CLUAP1: variants seen among roughly 807,000 people sequenced by gnomAD.
CLUAP1 encodes the protein intraflagellar transport 38, also known as clusterin-associated protein 1.
A neutral mutation model predicts 55.0 loss-of-function variants in CLUAP1; 50 were observed. The observed-to-expected ratio is 0.91, with a 90% CI of 0.72 to 1.15. CLUAP1 has a LOEUF of 1.15. Among genes scored for constraint, CLUAP1 ranks in the 50% most tolerant of loss-of-function variants. The pLI is 0.00. For missense variants in CLUAP1, 530 were observed against 507.6 expected, an observed-to-expected ratio of 1.04 and a Z score of -0.42; for synonymous variants, 195 against 175.4, an observed-to-expected ratio of 1.11 and a Z score of -0.88.
intron 3 of CLUAP1, among the ~76,000 whole-genome samples, chr16:3,507,192 T>A (rs1444806053): frequency 6.8e-6 from 1 of 148,128 alleles, no homozygotes; most frequent in African/African-American, 2.5e-5. Flanking sequence ...CAAGACTCTG[T>A]CTTAAAAAAA....
At chr16:3,517,712 T>C (rs1203927745) in intron 6 of CLUAP1, among the ~76,000 whole-genome samples, 1 of 152,182 alleles carries the variant, frequency 6.6e-6, no homozygotes, top group Non-Finnish European at 1.5e-5. Flanking sequence ...ACATCATCGT[T>C]ACAGAACAAA....
At chr16:3,526,284 C>A in intron 8 of CLUAP1, 128 bp from the exon 9 acceptor site, 1 of 435,418 alleles carries the variant, frequency 2.3e-6, no homozygotes, top group Admixed American at 4.6e-5. Context: ...ATTCTCTTCC[C>A]CTTCCTTGAG....
At position 3,526,446 on chromosome 16, in the gene CLUAP1, A is replaced by AGTT; in HGVS notation, c.891_892insTTG (p.Leu298dup). On this transcript the variant is annotated inframe_insertion, in exon 9 of 12. Coordinates refer to ENST00000576634, the MANE Select transcript of CLUAP1 (RefSeq NM_015041.3). ...AACACTCTCTGCCTGATACAGAACA[A>AGTT]GCTCAAGGAGGAAGAGAAGCGCCTG... 7.5e-6 allele frequency: 12 copies of AGTT among 1,609,094 alleles called. No individual in the cohort carries two copies. Among genetic ancestry groups the AGTT allele is most frequent in the Non-Finnish European group, 1.0e-5 (12 of 1,178,766 alleles).
At chr16:3,496,877 T>TC (rs201831095), upstream of CLUAP1, 416 of 294,330 alleles carry the variant, frequency 1.4e-3, 2 homozygotes, top group East Asian at 0.02. Context: ...TCTTTTCTTT[T>TC]TTTTTTTTTT....
At position 3,536,627 on chromosome 16, in the gene CLUAP1, C is replaced by T. The variant is rs1322411565; in HGVS notation, c.*356C>T. On this transcript the variant is annotated 3_prime_UTR_variant, in exon 12 of 12. Transcript: ENST00000576634. The stretch of plus-strand genomic sequence containing the variant: ...TTACTATACATTTTCTCTGAGACTC[C>T]AGCAGAGTTGGGGCTGGAACTTGGC... 5.6e-6 allele frequency: 1 copy of T among 179,546 alleles called. No individual in the cohort carries two copies. Among genetic ancestry groups the T allele is most frequent in the Non-Finnish European group, 1.2e-5 (1 of 84,522 alleles). 11.1% of individuals were successfully genotyped at this position (179,546 alleles called of 1,614,324 possible). A position where few individuals can be genotyped will look rare whatever the true frequency, so the allele number is the denominator to read the frequency against.
intron 7 of CLUAP1, among the ~76,000 whole-genome samples, chr16:3,521,441 T>C (rs928192489): frequency 2.0e-5 from 3 of 149,628 alleles, no homozygotes; most frequent in Non-Finnish European, 4.5e-5. Context: ...TTGTTTTTGT[T>C]TTTTTTTTTT....
intron 8 of CLUAP1, among the ~76,000 whole-genome samples, chr16:3,526,159 G>T (rs1314762808): frequency 2.0e-5 from 3 of 152,212 alleles, no homozygotes; most frequent in Non-Finnish European, 4.4e-5. Context: ...AATCGGAGAA[G>T]CATGGGGTGG....
chr16:3,502,772 T>TG (rs1216917848), intron 1 of CLUAP1, among the ~76,000 whole-genome samples: 1 of 152,144 alleles, frequency 6.6e-6, no homozygotes, highest in Non-Finnish European at 1.5e-5. Flanking sequence ...GGACGTAGAA[T>TG]GGGGTTTTGT....
At chr16:3,531,776 C>G (rs1184117049) in intron 10 of CLUAP1, among the ~76,000 whole-genome samples, 1 of 151,932 alleles carries the variant, frequency 6.6e-6, no homozygotes, top group Non-Finnish European at 1.5e-5. Context: ...CTGCAACTTG[C>G]TTTTGTTTTT....
intron 8 of CLUAP1, among the ~76,000 whole-genome samples, chr16:3,523,740 G>A (rs529089802): frequency 1.8e-4 from 27 of 152,314 alleles, no homozygotes; most frequent in African/African-American, 5.1e-4. Flanking sequence ...CAAGACGAGC[G>A]GATCACTTGA....
chr16:3,500,257 C>G (rs2037361744), upstream of CLUAP1, among the ~76,000 whole-genome samples: 1 of 152,214 alleles, frequency 6.6e-6, no homozygotes, highest in Non-Finnish European at 1.5e-5. Flanking sequence ...CGAGGCCTGG[C>G]CTGCCTCTGG....
chr16:3,507,485 G>T (rs569018084), intron 3 of CLUAP1, among the ~76,000 whole-genome samples: 1 of 151,412 alleles, frequency 6.6e-6, no homozygotes, highest in African/African-American at 2.4e-5. Context: ...GCTTGAGCCC[G>T]GGAGGTTGAG....
intron 4 of CLUAP1, among the ~76,000 whole-genome samples, chr16:3,508,995 T>C (rs1372207637): frequency 6.6e-6 from 1 of 151,824 alleles, no homozygotes; most frequent in South Asian, 2.1e-4. Flanking sequence ...AGTGACTCAC[T>C]CCTGTAAGCC....
chr16:3,497,525 G>T (rs1324531971), upstream of CLUAP1, among the ~76,000 whole-genome samples: 1 of 152,130 alleles, frequency 6.6e-6, no homozygotes, highest in Non-Finnish European at 1.5e-5. Flanking sequence ...AATCAAAATG[G>T]CCTTCATGTA....
intron 9 of CLUAP1, among the ~76,000 whole-genome samples, chr16:3,528,388 C>T (rs2037989819): frequency 6.6e-6 from 1 of 151,932 alleles, no homozygotes; most frequent in African/African-American, 2.4e-5. Flanking sequence ...TTCTGTGACT[C>T]TCTCGTCTGA....
intron 8 of CLUAP1, among the ~76,000 whole-genome samples, chr16:3,525,751 G>A (rs1392344706): frequency 2.6e-5 from 4 of 152,138 alleles, no homozygotes; most frequent in Non-Finnish European, 5.9e-5. Flanking sequence ...ATTTGTTGTA[G>A]AGATGAGGTT....
Position 3,515,054 on chromosome 16 carries a change from T to C in CLUAP1, c.496-454T>C, listed in dbSNP as rs184504944. ...AAAGATGCTTAGTTTGGGAGTCACCTGGACAGAATGCAGGTAAAGAAGCAA... is the reference window on the plus strand; with the variant it reads ...AAAGATGCTTAGTTTGGGAGTCACCCGGACAGAATGCAGGTAAAGAAGCAA... On this transcript the variant is annotated intron_variant, in intron 5 of 11. Coordinates refer to ENST00000576634, the MANE Select transcript of CLUAP1 (RefSeq NM_015041.3). 2.6e-5 allele frequency among the ~76,000 whole-genome samples: 4 copies of C among 152,248 alleles called. No individual in the cohort carries two copies. The East Asian group carries it at 7.7e-4, about 29-fold the overall frequency.
intron 10 of CLUAP1, among the ~76,000 whole-genome samples, chr16:3,531,390 C>T (rs989897682): frequency 4.6e-5 from 7 of 152,126 alleles, no homozygotes; most frequent in South Asian, 2.1e-4. Context: ...GGCGCAATGG[C>T]GGGCGCCCAT....
chr16:3,513,603 C>T (rs2037675934), intron 5 of CLUAP1, among the ~76,000 whole-genome samples: 1 of 152,034 alleles, frequency 6.6e-6, no homozygotes, highest in Admixed American at 6.6e-5. Flanking sequence ...ATATGTGTCA[C>T]CACACCCGGC....
Sources: gnomAD v4.1 joint callset for allele counts (sites outside exome capture counted in the v4.1 genomes callset) on GRCh38, gnomAD v4.1.1 for gene constraint, MANE v1.5 for transcripts, NCBI Gene and HGNC (gene_info 2026-07-23, HGNC 2026-07-21) for gene names.